The following MAST2 variants were observed in gnomAD, a reference collection of about 807,000 sequenced individuals.
MAST2 encodes the protein microtubule associated serine/threonine kinase 2.
Under a neutral mutation model 147.4 loss-of-function variants are expected in MAST2, and 70 were observed. The observed-to-expected ratio is 0.47, with a 90% confidence interval of 0.39 to 0.58. The LOEUF (loss-of-function observed/expected upper bound fraction) is 0.58. Among genes scored for constraint, MAST2 ranks in the 20% least tolerant of loss-of-function variants. The pLI, the probability that MAST2 is intolerant of heterozygous loss-of-function variation, is 0.00. For missense variants in MAST2, 2,080 were observed against 2,302.3 expected (o/e 0.90, Z 1.98); for synonymous variants, 869 against 896.8 (o/e 0.97, Z 0.55).
At chr1:45,917,503 C>T (rs1652745643) in intron 4 of MAST2, 1 of 1,366,480 alleles carries the variant, frequency 7.3e-7, no homozygotes, top group Non-Finnish European at 9.8e-7. Flanking sequence ...AGTCCTGGCA[C>T]TCCTTGTTCC....
chr1:45,816,637 G>A (rs1287574246), intron 1 of MAST2, among the ~76,000 whole-genome samples: 6 of 152,156 alleles, frequency 3.9e-5, no homozygotes, highest in African/African-American at 1.4e-4. Flanking sequence ...GAATGCATCA[G>A]AGTCCTTTAA....
Position 46,035,049 on chromosome 1 carries a change from C to T in MAST2, c.4380C>T (p.Gly1460=), listed in dbSNP as rs1309562952. 6.2e-7 allele frequency: 1 copy of T among 1,613,858 alleles called. No homozygotes were observed. The highest frequency in any genetic ancestry group is 1.7e-5 in the Admixed American group (1 of 60,016). ...TTGGAGCCAGGAGTGTGCTGTCTGGCAAGGGGGCCCTGCCAGGGAAGGGGG... is the reference window on the plus strand; with the variant it reads ...TTGGAGCCAGGAGTGTGCTGTCTGGTAAGGGGGCCCTGCCAGGGAAGGGGG... ...EVVGARSVLS[G]KGALPGKGVL... is the part of the protein sequence containing the mutation. Residue 1460 remains glycine, a synonymous_variant, in exon 29 of 29, where the codon GGC becomes GGT. Coordinates refer to ENST00000361297, the MANE Select transcript of MAST2 (RefSeq NM_015112.3). The surrounding 1 kb of genome is among the most constrained non-coding windows in gnomAD (Gnocchi z 5.5).
intron 3 of MAST2, among the ~76,000 whole-genome samples, chr1:45,835,688 TTATCA>T (rs1177003088): frequency 6.6e-6 from 1 of 152,138 alleles, no homozygotes; most frequent in Non-Finnish European, 1.5e-5. Flanking sequence ...GCCATCACCT[TTATCA>T]AGTTTTAAGA....
chr1:45,912,233 G>T (rs967651351), intron 4 of MAST2, among the ~76,000 whole-genome samples: 5 of 151,954 alleles, frequency 3.3e-5, no homozygotes, highest in Non-Finnish European at 7.4e-5. Flanking sequence ...AGTTTGCTTG[G>T]GTAATTAGAA....
Position 46,023,490 on chromosome 1 carries a change from A to T in MAST2, c.1571+172A>T. 1 of 649,156 alleles carries T rather than the reference A, an allele frequency of 1.5e-6. No individual in the cohort carries two copies. Among genetic ancestry groups the T allele is most frequent in the Non-Finnish European group, 2.7e-6 (1 of 366,208 alleles). 40.2% of individuals were successfully genotyped at this position (649,156 alleles called of 1,614,324 possible). A position where few individuals can be genotyped will look rare whatever the true frequency, so the allele number is the denominator to read the frequency against. On this transcript the variant is annotated intron_variant, in intron 14 of 28. Coordinates refer to ENST00000361297, the MANE Select transcript of MAST2 (RefSeq NM_015112.3). This position sits in a 1 kb window ranked among gnomAD's most constrained non-coding sequence, Gnocchi z 4.9. ...GTTCAGATTCCTCTGACATCCGATC[A>T]TTGTTCCTTTCCCAGACAAGATTCC...
rs75649603 is a variant in MAST2, at chr1:45,896,031, A to G, written c.500+13636A>G. Among the ~76,000 whole-genome samples the G allele has an allele frequency of 3.9e-3, 531 of 137,752 alleles. 6 individuals are homozygous for G. The highest frequency in any genetic ancestry group is 0.037 in the East Asian group (175 of 4,700). The allele number at this position is 137,752 out of a possible 152,430, so 90.4% of individuals were successfully genotyped here. A position where few individuals can be genotyped will look rare whatever the true frequency, so the allele number is the denominator to read the frequency against. ...ATGAAACAGACTTTCTTGAATGACT[A>G]TATTTCTTAGATTTTTTTTTTTTTT... On this transcript the variant is annotated intron_variant, in intron 4 of 28. Coordinates refer to ENST00000361297, the MANE Select transcript of MAST2 (RefSeq NM_015112.3).
chr1:45,832,646 C>G (rs1409775782), intron 3 of MAST2, among the ~76,000 whole-genome samples: 1 of 152,318 alleles, frequency 6.6e-6, no homozygotes, highest in Non-Finnish European at 1.5e-5. Context: ...TCTTTGAGAA[C>G]TACTGCCACC....
chr1:45,883,912 G>GCCCTCCCC (rs1553221921), intron 4 of MAST2, among the ~76,000 whole-genome samples: 1 of 2,488 alleles, frequency 4.0e-4, no homozygotes, highest in Non-Finnish European at 1.0e-3. Context: ...TACTATTTCT[G>GCCCTCCCC]CCCCCCCCGC....
At chr1:45,941,109 GCCCTGAGTGCTTTT>G (rs1187077319) in intron 4 of MAST2, among the ~76,000 whole-genome samples, 3 of 152,146 alleles carry the variant, frequency 2.0e-5, no homozygotes, top group Non-Finnish European at 4.4e-5. Context: ...GGTGCTTTGT[GCCCTGAGTGCTTTT>G]CTTTTCCTCT....
Position 45,957,363 on chromosome 1 carries a change from A to G in MAST2, c.501-2023A>G, listed in dbSNP as rs376442226. 5.6e-4 allele frequency among the ~76,000 whole-genome samples: 85 copies of G among 152,366 alleles called. 2 individuals are homozygous for G. Among genetic ancestry groups the G allele is most frequent in the African/African-American group, 1.9e-3 (81 of 41,584 alleles). On this transcript the variant is annotated intron_variant, in intron 4 of 28. Transcript: ENST00000361297. Reference sequence around the variant, plus strand: ...TTCGGGCTTTCACAAATAACAGCATATAAGTGGATCCTGCTATTTTATCCA... The same window carrying G: ...TTCGGGCTTTCACAAATAACAGCATGTAAGTGGATCCTGCTATTTTATCCA...
intron 4 of MAST2, among the ~76,000 whole-genome samples, chr1:45,927,689 C>T (rs1346994613): frequency 6.6e-6 from 1 of 152,108 alleles, no homozygotes; most frequent in Non-Finnish European, 1.5e-5. Context: ...ATAATTTGTG[C>T]AGTTAACACA....
At chr1:45,966,707 GTGAGACTC>G (rs1479227776) in intron 5 of MAST2, among the ~76,000 whole-genome samples, 30 of 152,080 alleles carry the variant, frequency 2.0e-4, no homozygotes, top group Non-Finnish European at 7.4e-5. Context: ...GGGCAAAAGA[GTGAGACTC>G]TGTCTCAGAA....
intron 5 of MAST2, among the ~76,000 whole-genome samples, chr1:45,988,609 G>A (rs1365629767): frequency 6.6e-6 from 1 of 152,106 alleles, no homozygotes; most frequent in Admixed American, 6.6e-5. Flanking sequence ...AAGTTTGTTG[G>A]TAGTGTTGTT....
Position 45,908,092 on chromosome 1 carries a change from GT to G in MAST2, c.500+25698del, listed in dbSNP as rs1047395926. ...TGGTTTTATTAATTTTATTAATATT[GT>G]CAAAGAACCAATTTTTGGTTTTGTT... On this transcript the variant is annotated intron_variant, in intron 4 of 28. Coordinates refer to ENST00000361297, the MANE Select transcript of MAST2 (RefSeq NM_015112.3). Among the ~76,000 whole-genome samples the G allele has an allele frequency of 1.7e-3, 263 of 151,736 alleles. 1 individual carries two copies. Among genetic ancestry groups the G allele is most frequent in the Middle Eastern group, 6.8e-3 (2 of 294 alleles).
chr1:45,982,779 G>A (rs1644463332), intron 5 of MAST2, among the ~76,000 whole-genome samples: 1 of 152,166 alleles, frequency 6.6e-6, no homozygotes, highest in South Asian at 2.1e-4. Context: ...CCCTCCCCCT[G>A]CCATCCCCAC....
In MAST2 at chr1:46,029,486, G is replaced by C; in HGVS notation, c.2239G>C (p.Gly747Arg). ...VISDEIVWPE[G>R]DEALPPDAQD... ...TTCAGATGAGATTGTGTGGCCTGAG[G>C]GTGATGAGGCACTGCCCCCAGACGC... Residue 747 changes from glycine (G) to arginine (R), a missense_variant, in exon 19 of 29, where the codon GGT (glycine) becomes CGT (arginine). Gly to Arg is a moderately radical substitution (Grantham distance 125). Coordinates refer to ENST00000361297, the MANE Select transcript of MAST2 (RefSeq NM_015112.3). The C allele has an allele frequency of 1.9e-6, 3 of 1,614,008 alleles. No homozygotes were observed. The highest frequency in any genetic ancestry group is 2.5e-6 in the Non-Finnish European group (3 of 1,179,952).
chr1:45,907,125 T>C (rs1213672180), intron 4 of MAST2, among the ~76,000 whole-genome samples: 1 of 152,202 alleles, frequency 6.6e-6, no homozygotes. Flanking sequence ...CGCCTAACAA[T>C]GCATTTCTCA....
At chr1:45,981,812 C>G (rs1398207962) in intron 5 of MAST2, among the ~76,000 whole-genome samples, 1 of 149,960 alleles carries the variant, frequency 6.7e-6, no homozygotes, top group East Asian at 1.9e-4. Flanking sequence ...TGATTTTATT[C>G]TGTCAACAAA....
chr1:45,909,752 G>A (rs1570668466), intron 4 of MAST2, among the ~76,000 whole-genome samples: 1 of 152,084 alleles, frequency 6.6e-6, no homozygotes. Context: ...TCTTGACCTC[G>A]TGATCCACCC....
Sources: gnomAD v4.1 joint callset for allele counts (sites outside exome capture counted in the v4.1 genomes callset) on GRCh38, gnomAD v4.1.1 for gene constraint, Gnocchi (gnomAD v3.1) non-coding constraint, MANE v1.5 for transcripts, NCBI Gene and HGNC (gene_info 2026-07-23, HGNC 2026-07-21) for gene names.